Variants in CNTNAP2 observed in about 807,000 individuals in gnomAD.
The protein encoded by CNTNAP2 is contactin-associated protein-like 2.
CNTNAP2 carries 98 observed loss-of-function variants against 155.2 expected under a neutral mutation model. That is an observed-to-expected ratio of 0.63 (90% CI 0.54 to 0.75). The LOEUF (loss-of-function observed/expected upper bound fraction) is 0.75, where lower values mean the gene tolerates loss of function less well. Ranked by LOEUF, CNTNAP2 falls within the 30% of genes least tolerant of loss-of-function variation. The pLI, the probability that CNTNAP2 is intolerant of heterozygous loss-of-function variation, is 0.00. For missense variants in CNTNAP2, 1,727 were observed against 1,688.1 expected (o/e 1.02, Z -0.40); for synonymous variants, 651 against 631.2 (o/e 1.03, Z -0.47).
At chr7:146,926,002 C>T (rs1796600483) in intron 3 of CNTNAP2, among the ~76,000 whole-genome samples, 1 of 152,008 alleles carries the variant, frequency 6.6e-6, no homozygotes, top group Non-Finnish European at 1.5e-5. Context: ...ACTGGAAGAC[C>T]AGCCGTTTCA....
intron 11 of CNTNAP2, among the ~76,000 whole-genome samples, chr7:147,525,637 T>C (rs1325004875): frequency 1.3e-5 from 2 of 152,198 alleles, no homozygotes; most frequent in East Asian, 3.9e-4. Flanking sequence ...AACTTTATTC[T>C]GGAAGATTGT....
chr7:148,313,944 C>A (rs906567723), intron 21 of CNTNAP2, among the ~76,000 whole-genome samples: 2 of 152,132 alleles, frequency 1.3e-5, no homozygotes, highest in African/African-American at 4.8e-5. Context: ...GAGCATTAAC[C>A]TTGACTATGC....
intron 18 of CNTNAP2, among the ~76,000 whole-genome samples, chr7:148,202,380 C>A (rs543252717): frequency 3.9e-5 from 6 of 152,144 alleles, no homozygotes; most frequent in Admixed American, 6.5e-5. Flanking sequence ...TGTGTACATC[C>A]ATACTTTCTG....
At chr7:146,275,903 T>C (rs1389157693) in intron 1 of CNTNAP2, among the ~76,000 whole-genome samples, 2 of 152,212 alleles carry the variant, frequency 1.3e-5, no homozygotes, top group African/African-American at 2.4e-5. Context: ...AATTTGGCAA[T>C]GCCTGGAGAC....
In CNTNAP2 at chr7:147,414,527, A is replaced by G. The variant is rs187289219; in HGVS notation, c.1670+18747A>G. Among the ~76,000 whole-genome samples the G allele has an allele frequency of 2.0e-5, 3 of 150,932 alleles. No homozygotes were observed. The East Asian group carries it at 5.8e-4, about 29-fold the overall frequency. ...TACTTATTGACTGACTTATTTTTTG[A>G]TTCACTATCAGCAGCTTTTTCTTAA... On this transcript the variant is annotated intron_variant, in intron 10 of 23. Transcript: ENST00000361727.
At chr7:148,111,906 G>A (rs762080564) in intron 15 of CNTNAP2, among the ~76,000 whole-genome samples, 1 of 152,192 alleles carries the variant, frequency 6.6e-6, no homozygotes, top group Non-Finnish European at 1.5e-5. Context: ...AGGAAAATGA[G>A]AGTGTAGACC....
At position 148,415,802 on chromosome 7, in the gene CNTNAP2, A is replaced by ATTTCTTTATAGCTGAGTTT. The variant is rs1171797955; in HGVS notation, c.*188_*206dup. The ATTTCTTTATAGCTGAGTTT allele has an allele frequency of 3.0e-5, 20 of 664,462 alleles. No individual in the cohort carries two copies. The African/African-American group carries it at 3.6e-4, about 12-fold the overall frequency. The allele number at this position is 664,462 out of a possible 1,614,324, so 41.2% of individuals were successfully genotyped here. A position where few individuals can be genotyped will look rare whatever the true frequency, so the allele number is the denominator to read the frequency against. On this transcript the variant is annotated 3_prime_UTR_variant, in exon 24 of 24. Transcript: ENST00000361727. ...TCACAAAAAAAAAAACCTTTTTAAT[A>ATTTCTTTATAGCTGAGTTT]TTTCTTTATAGCTGAGTTTTCCCTT...
intron 1 of CNTNAP2, among the ~76,000 whole-genome samples, chr7:146,432,026 TGAAA>T (rs1796180181): frequency 6.6e-6 from 1 of 152,112 alleles, no homozygotes; most frequent in East Asian, 1.9e-4. Flanking sequence ...GTGGTCCTAC[TGAAA>T]AGTCATTAAG....
intron 8 of CNTNAP2, among the ~76,000 whole-genome samples, chr7:147,275,357 G>A (rs1266726323): frequency 6.6e-6 from 1 of 151,382 alleles, no homozygotes; most frequent in East Asian, 1.9e-4. Flanking sequence ...TGTAGTTCTT[G>A]TAAAGATCTT....
At chr7:147,642,765 T>C (rs1025243199) in intron 13 of CNTNAP2, among the ~76,000 whole-genome samples, 89 of 152,196 alleles carry the variant, frequency 5.8e-4, no homozygotes, top group Admixed American at 3.9e-3. Context: ...GGGTTTCCCA[T>C]CATTTGTAGA....
chr7:146,346,104 T>G (rs578011200), intron 1 of CNTNAP2, among the ~76,000 whole-genome samples: 1 of 152,166 alleles, frequency 6.6e-6, no homozygotes, highest in African/African-American at 2.4e-5. Flanking sequence ...AACTTCATAG[T>G]AAAAACGATA....
intron 13 of CNTNAP2, among the ~76,000 whole-genome samples, chr7:147,667,797 A>ATGC (rs1370460630): frequency 1.1e-3 from 162 of 145,698 alleles, no homozygotes; most frequent in African/African-American, 3.0e-3. Flanking sequence ...TGCTGCTGCA[A>ATGC]AAAAAAAAAA....
intron 8 of CNTNAP2, among the ~76,000 whole-genome samples, chr7:147,169,761 C>T (rs1449481559): frequency 6.6e-6 from 1 of 152,106 alleles, no homozygotes; most frequent in Non-Finnish European, 1.5e-5. Context: ...AGACCAATAT[C>T]AACTTCTAAA....
chr7:146,321,590 C>T (rs1032076817), intron 1 of CNTNAP2, among the ~76,000 whole-genome samples: 2 of 152,088 alleles, frequency 1.3e-5, no homozygotes, highest in Non-Finnish European at 2.9e-5. Context: ...TGGCTGCAGC[C>T]GCCTTAAAAA....
intron 12 of CNTNAP2, among the ~76,000 whole-genome samples, chr7:147,619,623 G>A (rs1412946391): frequency 2.0e-5 from 3 of 152,222 alleles, no homozygotes; most frequent in Non-Finnish European, 4.4e-5. Context: ...AGTGGGAAGT[G>A]CTGCATCTTG....
At chr7:148,076,781 T>C (rs1412050284) in intron 15 of CNTNAP2, among the ~76,000 whole-genome samples, 1 of 152,074 alleles carries the variant, frequency 6.6e-6, no homozygotes, top group Admixed American at 6.6e-5. Context: ...TTCATCAGTT[T>C]CATATCTCCC....
At chr7:147,857,855 C>G (rs961396286) in intron 13 of CNTNAP2, among the ~76,000 whole-genome samples, 4 of 152,154 alleles carry the variant, frequency 2.6e-5, no homozygotes, top group African/African-American at 9.7e-5. Flanking sequence ...AGTGATTTGC[C>G]TCGGCTGCAA....
In CNTNAP2 at chr7:146,560,557, C is replaced by T. The variant is rs149014247; in HGVS notation, c.98-213714C>T. Among the ~76,000 whole-genome samples, 307 of 152,156 alleles carry T rather than the reference C, an allele frequency of 2.0e-3. 1 individual carries two copies. Among genetic ancestry groups the T allele is most frequent in the Non-Finnish European group, 3.5e-3 (237 of 68,010 alleles). ...ATTTCTCCAGCTTTACTATGCACAG[C>T]TATCAACCTAAGCCCTACTCTAGCT... is the stretch of plus-strand genomic sequence containing the variant. On this transcript the variant is annotated intron_variant, in intron 1 of 23. Coordinates refer to ENST00000361727, the MANE Select transcript of CNTNAP2 (RefSeq NM_014141.6).
intron 13 of CNTNAP2, among the ~76,000 whole-genome samples, chr7:147,855,996 T>G (rs1799029973): frequency 6.6e-6 from 1 of 152,144 alleles, no homozygotes. Flanking sequence ...GGAGAACCTC[T>G]CCTGACTCAA....
Sources: gnomAD v4.1 joint callset for allele counts (sites outside exome capture counted in the v4.1 genomes callset) on GRCh38, gnomAD v4.1.1 for gene constraint, MANE v1.5 for transcripts, NCBI Gene and HGNC (gene_info 2026-07-23, HGNC 2026-07-21) for gene names.